Variants in UMAD1 observed in about 807,000 individuals in gnomAD.
UMAD1 encodes UBAP1-MVB12-associated (UMA) domain containing 1.
Under a neutral mutation model 6.1 loss-of-function variants are expected in UMAD1, and 8 were observed. The ratio of observed to expected loss-of-function variants is 1.30; its 90% CI spans 0.76 to 2.35. The LOEUF (loss-of-function observed/expected upper bound fraction) is 2.35. Among genes scored for constraint, UMAD1 ranks in the 30% most tolerant of loss-of-function variants. The probability of loss-of-function intolerance (pLI) is 0.00; values close to 1 mark genes in which losing one functional copy is unlikely to be tolerated. For missense variants in UMAD1, 130 were observed against 78.4 expected, an observed-to-expected ratio of 1.66 and a Z score of -2.49; for synonymous variants, 56 against 31.4, an observed-to-expected ratio of 1.78 and a Z score of -2.61.
At chr7:7,842,019 G>C (rs1298617789) in intron 3 of UMAD1, among the ~76,000 whole-genome samples, 3 of 152,158 alleles carry the variant, frequency 2.0e-5, no homozygotes, top group Non-Finnish European at 4.4e-5. Context: ...ATGACACCAG[G>C]CAGTAAACAA....
intron 1 of UMAD1, among the ~76,000 whole-genome samples, chr7:7,652,347 G>A (rs1785243040): frequency 6.6e-6 from 1 of 152,140 alleles, no homozygotes; most frequent in African/African-American, 2.4e-5. Context: ...TTGAGATATG[G>A]TCTCTGATTT....
chr7:7,736,048 C>G (rs1781353845), intron 2 of UMAD1: 1 of 152,274 alleles, frequency 6.6e-6, no homozygotes, highest in African/African-American at 2.4e-5. Flanking sequence ...AGAGAGATGT[C>G]TTTTGAATGT....
intron 2 of UMAD1, among the ~76,000 whole-genome samples, chr7:7,695,401 A>C (rs966460769): frequency 6.6e-6 from 1 of 152,208 alleles, no homozygotes; most frequent in African/African-American, 2.4e-5. Context: ...AAAATCTCCT[A>C]ACCTTGTCTT....
rs1779661326 is a variant in UMAD1, at chr7:7,673,421, C to T, written c.50C>T (p.Pro17Leu). The change falls in exon 2 of 4, where the codon CCA becomes CTA. Residue 17 changes from proline to leucine, a missense_variant. By Grantham distance (98) the Pro-to-Leu change is moderately conservative. Transcript: ENST00000682710. ...KPPESKKPSV[P>L]ETEADGFVLL... ...CCGGAATCTAAAAAGCCCTCAGTAC[C>T]AGAGACAGAAGCAGATGGATTCGTC... The T allele has an allele frequency of 9.8e-7, 1 of 1,016,234 alleles. No individual in the cohort carries two copies. Among genetic ancestry groups the T allele is most frequent in the Non-Finnish European group, 1.5e-6 (1 of 670,408 alleles). 63.0% of individuals were successfully genotyped at this position (1,016,234 alleles called of 1,614,324 possible).
intron 2 of UMAD1, among the ~76,000 whole-genome samples, chr7:7,767,911 C>A (rs1782021342): frequency 6.6e-6 from 1 of 152,196 alleles, no homozygotes; most frequent in Non-Finnish European, 1.5e-5. Flanking sequence ...CTTGCTTCTT[C>A]ATTCTAGGAA....
At chr7:7,798,656 C>G (rs1782735463) in intron 2 of UMAD1, among the ~76,000 whole-genome samples, 2 of 152,226 alleles carry the variant, frequency 1.3e-5, no homozygotes, top group Non-Finnish European at 2.9e-5. Flanking sequence ...CCTCTCTTCA[C>G]ACCCTGTTCC....
chr7:7,655,772 TA>T (rs1785326137), intron 1 of UMAD1, among the ~76,000 whole-genome samples: 2 of 152,134 alleles, frequency 1.3e-5, no homozygotes, highest in South Asian at 2.1e-4. Flanking sequence ...TATTTTAATT[TA>T]AAAAATATTT....
chr7:7,742,124 G>A (rs1444757058), intron 2 of UMAD1: 4 of 611,976 alleles, frequency 6.5e-6, no homozygotes, highest in East Asian at 3.2e-5. Context: ...CCAAAGCATC[G>A]TAATCAGGAG....
intron 2 of UMAD1, among the ~76,000 whole-genome samples, chr7:7,674,603 C>T (rs917112654): frequency 5.3e-5 from 8 of 152,102 alleles, no homozygotes; most frequent in African/African-American, 1.4e-4. Context: ...TAGTCTTTGA[C>T]CAGGGCTGAT....
intron 3 of UMAD1, among the ~76,000 whole-genome samples, chr7:7,843,839 G>T (rs1213887626): frequency 6.6e-6 from 1 of 152,110 alleles, no homozygotes; most frequent in Non-Finnish European, 1.5e-5. Context: ...AGTAATGTCA[G>T]TTCTGTAATC....
chr7:7,808,394 C>T (rs1328198460), intron 3 of UMAD1, among the ~76,000 whole-genome samples: 3 of 151,962 alleles, frequency 2.0e-5, no homozygotes, highest in African/African-American at 7.2e-5. Context: ...TACATGTAAG[C>T]AAGTCGTCAT....
Position 7,762,955 on chromosome 7 carries a change from C to A in UMAD1, c.83-38715C>A, listed in dbSNP as rs140610732. ...ATGCTTTTAAGCCGGCACTCTTAAACGAAAATAGAGAATATCAGAGTGATA... is the reference window on the plus strand; with the variant it reads ...ATGCTTTTAAGCCGGCACTCTTAAAAGAAAATAGAGAATATCAGAGTGATA... On this transcript the variant is annotated intron_variant, in intron 2 of 3. Coordinates refer to ENST00000682710, the MANE Select transcript of UMAD1 (RefSeq NM_001302348.2). 9.7e-3 allele frequency among the ~76,000 whole-genome samples: 1,477 copies of A among 151,838 alleles called. 19 individuals are homozygous for A. The highest frequency in any genetic ancestry group is 0.033 in the African/African-American group (1,362 of 41,398).
chr7:7,694,949 T>G (rs910662812), intron 2 of UMAD1, among the ~76,000 whole-genome samples: 13 of 152,328 alleles, frequency 8.5e-5, no homozygotes, highest in African/African-American at 3.1e-4. Flanking sequence ...TTTAGTTTTT[T>G]GAGGAACCTC....
intron 3 of UMAD1, among the ~76,000 whole-genome samples, chr7:7,870,513 T>C (rs1054298367): frequency 3.9e-5 from 6 of 152,186 alleles, no homozygotes; most frequent in African/African-American, 1.4e-4. Flanking sequence ...TAAAGACCCA[T>C]TTTATTATGC....
At chr7:7,649,689 G>A (rs1295775467) in intron 1 of UMAD1, among the ~76,000 whole-genome samples, 4 of 151,508 alleles carry the variant, frequency 2.6e-5, no homozygotes, top group African/African-American at 7.3e-5. Context: ...CTTGTTGGTG[G>A]GGGGGCCCAC....
chr7:7,689,641 A>G (rs1583739512), intron 2 of UMAD1, among the ~76,000 whole-genome samples: 1 of 152,174 alleles, frequency 6.6e-6, no homozygotes, highest in Admixed American at 6.5e-5. Context: ...ATGTATTTAT[A>G]TGTATATCTC....
At chr7:7,789,377 A>C (rs567291643) in intron 2 of UMAD1, among the ~76,000 whole-genome samples, 1 of 152,378 alleles carries the variant, frequency 6.6e-6, no homozygotes, top group African/African-American at 2.4e-5. Flanking sequence ...TAACATCTGT[A>C]TGAAAACAAT....
At chr7:7,675,334 T>G (rs1779712424) in intron 2 of UMAD1, among the ~76,000 whole-genome samples, 1 of 152,202 alleles carries the variant, frequency 6.6e-6, no homozygotes. Flanking sequence ...CTCTGCCACT[T>G]TGTAGGATTT....
At chr7:7,692,432 G>A (rs1189619128) in intron 2 of UMAD1, 1 of 152,146 alleles carries the variant, frequency 6.6e-6, no homozygotes, top group African/African-American at 2.4e-5. Flanking sequence ...TAGGCAAATG[G>A]ATTGAATGCT....
Sources: gnomAD v4.1 joint callset for allele counts (sites outside exome capture counted in the v4.1 genomes callset) on GRCh38, gnomAD v4.1.1 for gene constraint, MANE v1.5 for transcripts, NCBI Gene and HGNC (gene_info 2026-07-23, HGNC 2026-07-21) for gene names.